SLC24A4: variants seen among roughly 807,000 people sequenced by gnomAD.
SLC24A4 encodes the protein solute carrier family 24 member 4.
SLC24A4 carries 53 observed loss-of-function variants against 79.0 expected under a neutral mutation model. The ratio of observed to expected loss-of-function variants is 0.67; its 90% CI spans 0.54 to 0.84. The LOEUF (loss-of-function observed/expected upper bound fraction) is 0.84. SLC24A4 is among the 40% of genes least tolerant of loss of function. The pLI, the probability that SLC24A4 is intolerant of heterozygous loss-of-function variation, is 0.00. For synonymous variants in SLC24A4, 323 were observed against 323.8 expected (o/e 1.00, Z 0.03); for missense variants, 731 against 822.0 (o/e 0.89, Z 1.35).
chr14:92,426,762 C>CG (rs1025871186), intron 2 of SLC24A4, among the ~76,000 whole-genome samples: 13 of 150,562 alleles, frequency 8.6e-5, no homozygotes, highest in East Asian at 1.9e-4. Flanking sequence ...ATTGGTGGGG[C>CG]GGGGGGGAAT....
chr14:92,385,389 C>T (rs74885984), intron 2 of SLC24A4, among the ~76,000 whole-genome samples: 6,225 of 151,676 alleles, frequency 0.041, 201 homozygotes, highest in East Asian at 0.19. Context: ...CTCAGCTGCT[C>T]GGGAGGCTGA....
chr14:92,462,040 A>G (rs1893842534), intron 12 of SLC24A4: 1 of 152,222 alleles, frequency 6.6e-6, no homozygotes. Context: ...TATTATCCTC[A>G]TTTATAGAGG....
At chr14:92,408,575 T>G (rs1159933051) in intron 2 of SLC24A4, 1 of 251,514 alleles carries the variant, frequency 4.0e-6, no homozygotes, top group Non-Finnish European at 6.3e-6. Context: ...GGCTGTCCTG[T>G]TTACAGGCTG....
At chr14:92,400,180 C>T (rs2141759564) in intron 2 of SLC24A4, among the ~76,000 whole-genome samples, 1 of 152,266 alleles carries the variant, frequency 6.6e-6, no homozygotes, top group East Asian at 1.9e-4. Context: ...GTGGCTCACG[C>T]CTGTAATCCC....
At chr14:92,489,076 G>A (rs1292256543) in intron 14 of SLC24A4, among the ~76,000 whole-genome samples, 4 of 152,096 alleles carry the variant, frequency 2.6e-5, no homozygotes, top group African/African-American at 7.2e-5. Flanking sequence ...GGCCAGGGGC[G>A]GGGGTTGCGT....
intron 2 of SLC24A4, among the ~76,000 whole-genome samples, chr14:92,400,200 G>A (rs550953390): frequency 3.9e-5 from 6 of 152,252 alleles, no homozygotes; most frequent in Non-Finnish European, 5.9e-5. Flanking sequence ...CAGCACTTTG[G>A]GAGGCCAAGG....
At chr14:92,384,271 A>G (rs547205251) in intron 2 of SLC24A4, among the ~76,000 whole-genome samples, 12 of 152,310 alleles carry the variant, frequency 7.9e-5, no homozygotes, top group African/African-American at 2.4e-4. Flanking sequence ...TCTCTTCTGT[A>G]ATTAAAACTT....
At position 92,500,281 on chromosome 14, in the gene SLC24A4, G is replaced by A. The variant is rs1385610539; in HGVS notation, c.*6653G>A. 1 of 152,212 alleles carries A rather than the reference G, an allele frequency of 6.6e-6. No individual in the cohort carries two copies. Among genetic ancestry groups the A allele is most frequent in the East Asian group, 1.9e-4 (1 of 5,196 alleles). 9.4% of individuals were successfully genotyped at this position (152,212 alleles called of 1,614,324 possible). ...TTTAAGCTATCAAGAGAGGGAATGTGCAGCTTTTGGTTTCTAGATGCATGG... is the reference window on the plus strand; with the variant it reads ...TTTAAGCTATCAAGAGAGGGAATGTACAGCTTTTGGTTTCTAGATGCATGG... On this transcript the variant is annotated 3_prime_UTR_variant, in exon 17 of 17. Coordinates refer to ENST00000532405, the MANE Select transcript of SLC24A4 (RefSeq NM_153646.4).
In SLC24A4 at chr14:92,501,187, C is replaced by T. The variant is rs1896146741; in HGVS notation, c.*7559C>T. ...TCTCTAATGGGCAAAGCAGGATCAT[C>T]GAGTTGAAAAGTTGTAAATAATGAG... is the stretch of plus-strand genomic sequence containing the variant. On this transcript the variant is annotated 3_prime_UTR_variant, in exon 17 of 17. Transcript: ENST00000532405. 6.6e-6 allele frequency: 1 copy of T among 152,188 alleles called. No individual in the cohort carries two copies. The highest frequency in any genetic ancestry group is 1.5e-5 in the Non-Finnish European group (1 of 68,044). The allele number at this position is 152,188 out of a possible 1,614,324, so 9.4% of individuals were successfully genotyped here.
chr14:92,355,590 C>A lies in SLC24A4; in HGVS notation c.241+29612C>A, dbSNP rs115371878. Among the ~76,000 whole-genome samples, 935 of 152,226 alleles carry A rather than the reference C, an allele frequency of 6.1e-3. 12 individuals are homozygous for A. Among genetic ancestry groups the A allele is most frequent in the African/African-American group, 0.022 (901 of 41,464 alleles). On this transcript the variant is annotated intron_variant, in intron 2 of 16. Transcript: ENST00000532405. ...CTGGTGCTTTGAAATACCTCTTTGC[C>A]TAAATACTAGAAGCCAATATTTGTC...
chr14:92,421,854 A>G (rs1450642804), intron 2 of SLC24A4, among the ~76,000 whole-genome samples: 1 of 152,154 alleles, frequency 6.6e-6, no homozygotes, highest in Non-Finnish European at 1.5e-5. Flanking sequence ...AATAAAGCAT[A>G]GCAAATTGAC....
At chr14:92,449,022 T>C in intron 9 of SLC24A4, 52 bp from the exon 10 acceptor site, 1 of 1,604,666 alleles carries the variant, frequency 6.2e-7, no homozygotes. Flanking sequence ...CGCTGCCCAG[T>C]TGGTGGGACT....
chr14:92,472,988 T>C (rs1442004432), intron 12 of SLC24A4, among the ~76,000 whole-genome samples: 5 of 152,338 alleles, frequency 3.3e-5, no homozygotes, highest in Non-Finnish European at 7.3e-5. Flanking sequence ...TTGCCCACAC[T>C]TGCCTCTCAC....
intron 2 of SLC24A4, among the ~76,000 whole-genome samples, chr14:92,335,061 AGTCCAAGTCACGC>A (rs1317855310): frequency 1.3e-5 from 2 of 152,324 alleles, no homozygotes; most frequent in African/African-American, 4.8e-5. Context: ...AACCCAAACT[AGTCCAAGTCACGC>A]GGCCAACAAA....
At chr14:92,404,724 C>T (rs1890283875) in intron 2 of SLC24A4, among the ~76,000 whole-genome samples, 1 of 152,208 alleles carries the variant, frequency 6.6e-6, no homozygotes, top group South Asian at 2.1e-4. Flanking sequence ...ACATATGTAT[C>T]TCAATGCCAA....
chr14:92,443,489 T>C lies in SLC24A4; in HGVS notation c.657+15T>C, dbSNP rs377020942. Reference sequence around the variant, plus strand: ...TGCTCATCGTGGTGAGTTGCCCCTCTGCCCCCAAGGTCAGGTTGGCTGGGA... The same window carrying C: ...TGCTCATCGTGGTGAGTTGCCCCTCCGCCCCCAAGGTCAGGTTGGCTGGGA... On this transcript the variant is annotated intron_variant, in intron 7 of 16. Coordinates refer to ENST00000532405, the MANE Select transcript of SLC24A4 (RefSeq NM_153646.4). The C allele has an allele frequency of 6.2e-7, 1 of 1,614,066 alleles. No individual in the cohort carries two copies. Among genetic ancestry groups the C allele is most frequent in the African/African-American group, 1.3e-5 (1 of 75,048 alleles).
rs574799384 is a variant in SLC24A4 at position 92,409,899 on chromosome 14, T to C, written c.242-24013T>C. On this transcript the variant is annotated intron_variant, in intron 2 of 16. Transcript: ENST00000532405. The stretch of plus-strand genomic sequence containing the variant: ...AGAGATCATGTCTTTTGTGGGAACA[T>C]GGATGGAGCTGGAGGCCATTATCCT... 5.3e-5 allele frequency among the ~76,000 whole-genome samples: 8 copies of C among 152,308 alleles called. No homozygotes were observed. The East Asian group carries it at 1.2e-3, about 22-fold the overall frequency.
intron 12 of SLC24A4, chr14:92,462,201 G>A (rs992581163): frequency 2.0e-5 from 3 of 152,190 alleles, no homozygotes; most frequent in African/African-American, 7.2e-5. Flanking sequence ...GCCCAGAGCT[G>A]TCATGAAGCC....
chr14:92,430,400 A>T (rs1272984518), intron 2 of SLC24A4, among the ~76,000 whole-genome samples: 2 of 152,222 alleles, frequency 1.3e-5, no homozygotes, highest in Admixed American at 6.5e-5. Flanking sequence ...TTTTGTGTGT[A>T]AAGAAAACAG....
Sources: gnomAD v4.1 joint callset for allele counts (sites outside exome capture counted in the v4.1 genomes callset) on GRCh38, gnomAD v4.1.1 for gene constraint, MANE v1.5 for transcripts, NCBI Gene and HGNC (gene_info 2026-07-23, HGNC 2026-07-21) for gene names.